The following PRSS48 variants were observed in gnomAD, a reference collection of about 807,000 sequenced individuals.
PRSS48 encodes the protein epidermis-specific serine protease-like protein.
Under a neutral mutation model 25.6 loss-of-function variants are expected in PRSS48, and 21 were observed. That is an observed-to-expected ratio of 0.82 (90% CI 0.58 to 1.18). PRSS48 has a LOEUF of 1.18. PRSS48 is among the 50% of genes most tolerant of loss of function. The pLI is 0.00. For synonymous variants in PRSS48, 150 were observed against 149.3 expected (o/e 1.00, Z -0.04); for missense variants, 373 against 399.3 (o/e 0.93, Z 0.56).
exon 5 of PRSS48, chr4:151,291,141 G>T (rs369030212): frequency 3.3e-5 from 54 of 1,612,634 alleles, no homozygotes; most frequent in Non-Finnish European, 4.0e-5. Flanking sequence ...GGCCTCTGTC[G>T]TGTCACATTG....
chr4:151,282,311 A>G, exon 3 of PRSS48: 1 of 1,613,908 alleles, frequency 6.2e-7, no homozygotes, highest in Non-Finnish European at 8.5e-7. Flanking sequence ...AGTCACCTTC[A>G]CTTCTGCCAT....
intron 1 of PRSS48, among the ~76,000 whole-genome samples, 179 bp downstream of exon 1, chr4:151,277,403 C>G (rs1773743278): frequency 1.3e-5 from 2 of 152,068 alleles, no homozygotes; most frequent in Admixed American, 6.6e-5. Flanking sequence ...TTGGAAATAG[C>G]AGTACACACA....
At chr4:151,291,059 A>C (rs1775283472) in intron 4 of PRSS48, 59 bp from the exon 5 acceptor site, 1 of 1,332,778 alleles carries the variant, frequency 7.5e-7, no homozygotes, top group African/African-American at 1.4e-5. Context: ...ACCCCTTATT[A>C]CTACTCTCTT....
chr4:151,288,984 A>G (rs767495247), intron 4 of PRSS48, among the ~76,000 whole-genome samples: 2 of 152,246 alleles, frequency 1.3e-5, no homozygotes, highest in Non-Finnish European at 2.9e-5. Flanking sequence ...CATTTTTCAT[A>G]TTTCAAAACT....
chr4:151,279,989 C>A, intron 2 of PRSS48, 31 bp downstream of exon 2: 1 of 1,316,350 alleles, frequency 7.6e-7, no homozygotes, highest in Non-Finnish European at 1.0e-6. Context: ...AACACACAGA[C>A]AGGTTCTCAG....
intron 3 of PRSS48, 35 bp from the exon 4 acceptor site, chr4:151,283,077 CTAGGT>C: frequency 6.2e-7 from 1 of 1,602,420 alleles, no homozygotes; most frequent in Non-Finnish European, 8.5e-7. Context: ...CTGCACTTTT[CTAGGT>C]TGCTTTAATC....
Position 151,282,303 on chromosome 4 carries a change from T to C in PRSS48, c.371T>C (p.Val124Ala), listed in dbSNP as rs1255842026. Reference sequence around the variant, plus strand: ...GCCTTGTTGAAACTGTCCTCTCAAGTCACCTTCACTTCTGCCATCCTGCCT... The same window carrying C: ...GCCTTGTTGAAACTGTCCTCTCAAGCCACCTTCACTTCTGCCATCCTGCCT... The change falls in exon 3 of 5, where the codon GTC becomes GCC. Residue 124 changes from valine (V) to alanine (A), a missense_variant. Coordinates refer to ENST00000455694, the Ensembl canonical transcript of PRSS48. The C allele has an allele frequency of 3.7e-6, 6 of 1,613,804 alleles. No homozygotes were observed. In the African/African-American group the frequency reaches 4.0e-5, roughly 11 times the overall value.
At chr4:151,279,891 A>T in exon 2 of PRSS48, 1 of 1,613,882 alleles carries the variant, frequency 6.2e-7, no homozygotes, top group Non-Finnish European at 8.5e-7. Flanking sequence ...CTTTGACCAC[A>T]ACTTTATCTG....
intron 4 of PRSS48, among the ~76,000 whole-genome samples, chr4:151,283,508 C>CT (rs5862956): frequency 0.047 from 6,003 of 126,456 alleles, 476 homozygotes; most frequent in African/African-American, 0.17. Context: ...GGTCATTGGA[C>CT]TTTTTTTTTT....
intron 4 of PRSS48, among the ~76,000 whole-genome samples, chr4:151,290,890 T>C (rs911473233): frequency 2.0e-5 from 3 of 152,192 alleles, no homozygotes; most frequent in African/African-American, 7.2e-5. Flanking sequence ...CACAGACAAA[T>C]ATTTTGAAAT....
chr4:151,290,644 T>A (rs890038261), intron 4 of PRSS48, among the ~76,000 whole-genome samples: 12 of 152,116 alleles, frequency 7.9e-5, no homozygotes, highest in African/African-American at 2.9e-4. Flanking sequence ...GTAAATATAC[T>A]AAAAACCACT....
chr4:151,281,986 G>C (rs1774280105), intron 2 of PRSS48, among the ~76,000 whole-genome samples, 162 bp from the exon 3 acceptor site: 1 of 152,044 alleles, frequency 6.6e-6, no homozygotes, highest in Non-Finnish European at 1.5e-5. Flanking sequence ...GAGAAAGAGA[G>C]GAAAGAAGGA....
chr4:151,291,505 T>C, downstream of PRSS48: 4 of 1,310,936 alleles, frequency 3.1e-6, no homozygotes, highest in Non-Finnish European at 3.1e-6. Flanking sequence ...CAATTTGAAA[T>C]GATTTTGTTT....
At chr4:151,288,626 G>A (rs996789136) in intron 4 of PRSS48, among the ~76,000 whole-genome samples, 7 of 151,444 alleles carry the variant, frequency 4.6e-5, no homozygotes, top group Non-Finnish European at 8.8e-5. Flanking sequence ...CTGAGATCTC[G>A]CCACTGCACT....
At chr4:151,289,503 A>G (rs1175296822) in intron 4 of PRSS48, among the ~76,000 whole-genome samples, 1 of 152,250 alleles carries the variant, frequency 6.6e-6, no homozygotes, top group Non-Finnish European at 1.5e-5. Flanking sequence ...TCTAGAAAAA[A>G]GAACACTTGT....
chr4:151,277,187 C>T (rs1773710682), exon 1 of PRSS48: 1 of 1,495,720 alleles, frequency 6.7e-7, no homozygotes, highest in South Asian at 1.3e-5. Context: ...GCCCTGCTGG[C>T]TGTGCCTTCA....
chr4:151,279,847 C>T, exon 2 of PRSS48: 5 of 1,605,396 alleles, frequency 3.1e-6, no homozygotes, highest in Non-Finnish European at 4.3e-6. Context: ...CAGGATGCTG[C>T]TGCAGGGCGC....
At chr4:151,283,085 CTTT>C in intron 3 of PRSS48, 29 bp from the exon 4 acceptor site, 1 of 1,608,808 alleles carries the variant, frequency 6.2e-7, no homozygotes, top group Non-Finnish European at 8.5e-7. Flanking sequence ...TTCTAGGTTG[CTTT>C]AATCTTTTGT....
At chr4:151,286,970 AT>A (rs2150014361) in intron 4 of PRSS48, among the ~76,000 whole-genome samples, 1 of 139,362 alleles carries the variant, frequency 7.2e-6, no homozygotes, top group South Asian at 2.2e-4. Context: ...ACAGAGTGAG[AT>A]TCTGTCTCAA....
Sources: gnomAD v4.1 joint callset for allele counts (sites outside exome capture counted in the v4.1 genomes callset) on GRCh38, gnomAD v4.1.1 for gene constraint, MANE v1.5 for transcripts, NCBI Gene and HGNC (gene_info 2026-07-23, HGNC 2026-07-21) for gene names.